BDP1: variants seen among roughly 807,000 people sequenced by gnomAD.
BDP1 encodes the protein transcription factor TFIIIB component B'' homolog.
Under a neutral mutation model 266.6 loss-of-function variants are expected in BDP1, and 169 were observed. That is an observed-to-expected ratio of 0.63 (90% CI 0.56 to 0.72). The LOEUF (loss-of-function observed/expected upper bound fraction) is 0.72. BDP1 is among the 30% of genes least tolerant of loss of function. The pLI is 0.00. For synonymous variants in BDP1, 1,090 were observed against 1,022.4 expected, an observed-to-expected ratio of 1.07 and a Z score of -1.26; for missense variants, 3,015 against 3,053.8, an observed-to-expected ratio of 0.99 and a Z score of 0.30.
chr5:71,558,343 G>A (rs763910898), intron 36 of BDP1, among the ~76,000 whole-genome samples: 2 of 151,542 alleles, frequency 1.3e-5, no homozygotes, highest in Non-Finnish European at 2.9e-5. Context: ...CCAACATGGC[G>A]AAACCCCATC....
At chr5:71,564,321 G>C (rs901354864) in intron 38 of BDP1, among the ~76,000 whole-genome samples, 13 of 35,884 alleles carry the variant, frequency 3.6e-4, no homozygotes, top group Non-Finnish European at 7.0e-4. Flanking sequence ...TTTGTCATGG[G>C]TCTGTCTATT....
chr5:71,566,449 T>C lies in BDP1; in HGVS notation c.*1564T>C, dbSNP rs368245280. On this transcript the variant is annotated 3_prime_UTR_variant, in exon 39 of 39. Coordinates refer to ENST00000358731, the MANE Select transcript of BDP1 (RefSeq NM_018429.3). ...ATTTTTTATACGTGTAATTCTATTA[T>C]CTACCCAAGCAGATCTGTAGTGGTT... The C allele has an allele frequency of 9.8e-5, 15 of 152,334 alleles. 1 individual carries two copies. Among genetic ancestry groups the C allele is most frequent in the African/African-American group, 3.6e-4 (15 of 41,588 alleles). 9.4% of individuals were successfully genotyped at this position (152,334 alleles called of 1,614,324 possible). A position where few individuals can be genotyped will look rare whatever the true frequency, so the allele number is the denominator to read the frequency against.
At chr5:71,562,199 A>G in intron 37 of BDP1, 75 bp from the exon 38 acceptor site, 1 of 467,116 alleles carries the variant, frequency 2.1e-6, no homozygotes, top group Non-Finnish European at 2.9e-6. Context: ...GCGTCTCAAA[A>G]AAAAAAAAAA....
intron 2 of BDP1, among the ~76,000 whole-genome samples, chr5:71,460,626 A>C (rs967428546): frequency 2.6e-5 from 4 of 152,168 alleles, no homozygotes; most frequent in African/African-American, 4.8e-5. Context: ...CCTCACAACA[A>C]TTGCTTGAAC....
At chr5:71,568,563 G>C (rs1744157097), downstream of BDP1, among the ~76,000 whole-genome samples, 1 of 152,058 alleles carries the variant, frequency 6.6e-6, no homozygotes, top group African/African-American at 2.4e-5. Context: ...CGAACTTCTG[G>C]GTGCGAGCAA....
chr5:71,522,730 C>A, intron 23 of BDP1, 26 bp from the exon 24 acceptor site: 1 of 1,565,062 alleles, frequency 6.4e-7, no homozygotes, highest in South Asian at 1.2e-5. Flanking sequence ...TGTAGTAATA[C>A]TAGCTAATTT....
chr5:71,480,998 C>A (rs1327537157), intron 7 of BDP1, among the ~76,000 whole-genome samples: 1 of 152,080 alleles, frequency 6.6e-6, no homozygotes, highest in Non-Finnish European at 1.5e-5. Flanking sequence ...AACACAGAAA[C>A]CCTGTCTCTA....
rs1188483895 is a variant in BDP1, at chr5:71,461,764, A to G, written c.490-53A>G. ...TGGACTGTATATTTGCATATAGTAC[A>G]TCTGAAATTCTTTAATATTTATAAA... is the stretch of plus-strand genomic sequence containing the variant. On this transcript the variant is annotated intron_variant, in intron 2 of 38. Transcript: ENST00000358731. The G allele has an allele frequency of 3.9e-6, 4 of 1,022,068 alleles. No individual in the cohort carries two copies. In the African/African-American group the frequency reaches 4.9e-5, roughly 12 times the overall value. 63.3% of individuals were successfully genotyped at this position (1,022,068 alleles called of 1,614,324 possible).
intron 26 of BDP1, among the ~76,000 whole-genome samples, chr5:71,538,000 G>A (rs925864456): frequency 2.0e-4 from 31 of 152,118 alleles, no homozygotes; most frequent in African/African-American, 7.2e-4. Context: ...CCTTTACCAG[G>A]CTAAAGAAGT....
intron 8 of BDP1, among the ~76,000 whole-genome samples, chr5:71,485,407 C>A (rs575976911): frequency 7.9e-5 from 12 of 152,110 alleles, no homozygotes; most frequent in African/African-American, 2.7e-4. Flanking sequence ...ATGTGGAGAT[C>A]CTTTATGATT....
At chr5:71,461,146 A>T (rs1761532967) in intron 2 of BDP1, among the ~76,000 whole-genome samples, 1 of 151,772 alleles carries the variant, frequency 6.6e-6, no homozygotes, top group Non-Finnish European at 1.5e-5. Flanking sequence ...CATCCAGCTA[A>T]TTTTTTTGTA....
At chr5:71,495,596 ATTTC>A (rs1763840247) in intron 12 of BDP1, among the ~76,000 whole-genome samples, 188 bp downstream of exon 12, 1 of 152,132 alleles carries the variant, frequency 6.6e-6, no homozygotes, top group Non-Finnish European at 1.5e-5. Flanking sequence ...TTTACTTTAT[ATTTC>A]TTTGCAGAAA....
intron 6 of BDP1, 133 bp from the exon 7 acceptor site, chr5:71,470,262 A>C (rs1349845607): frequency 1.5e-6 from 1 of 661,090 alleles, no homozygotes; most frequent in African/African-American, 1.9e-5. Context: ...TTTTATTTAT[A>C]ATAAGGTGTT....
At position 71,553,253 on chromosome 5, in the gene BDP1, A is replaced by G. The variant is rs760417441; in HGVS notation, c.7133A>G (p.Asp2378Gly). The part of the protein sequence containing the change: ...KRFQCRLDKN[D>G]HIPPAKKRSL... ...TTTCAATGCAGGCTTGATAAAAATG[A>G]CCACATTCCTCCTGCCAAAAAACGT... Residue 2378 changes from aspartate (D) to glycine (G), a missense_variant, in exon 35 of 39, where the codon GAC becomes GGC. Physicochemically the swap from Asp to Gly is moderately conservative, Grantham distance 94. Around this residue, in one of 3 missense-constraint regions of BDP1, gnomAD observed 629 missense variants for 632.5 expected, o/e 0.99. Coordinates refer to ENST00000358731, the MANE Select transcript of BDP1 (RefSeq NM_018429.3). The G allele has an allele frequency of 7.4e-6, 12 of 1,613,370 alleles. No individual in the cohort carries two copies. Among genetic ancestry groups the G allele is most frequent in the Non-Finnish European group, 9.3e-6 (11 of 1,179,954 alleles).
chr5:71,524,444 A>C, intron 25 of BDP1, 121 bp downstream of exon 25: 1 of 1,071,250 alleles, frequency 9.3e-7, no homozygotes, highest in Non-Finnish European at 1.3e-6. Context: ...TCATTCTCTA[A>C]ATAACCTCTA....
At chr5:71,480,850 C>T (rs1320234828) in intron 7 of BDP1, among the ~76,000 whole-genome samples, 3 of 152,222 alleles carry the variant, frequency 2.0e-5, no homozygotes, top group East Asian at 3.9e-4. Flanking sequence ...AAGAAGTGAA[C>T]CACCATGCCC....
Position 71,470,891 on chromosome 5 carries a change from C to CTT in BDP1, c.1014+414_1014+415dup, listed in dbSNP as rs56915738. Reference sequence around the variant, plus strand: ...CAGGCTAGAGCCACCGTGCCCAGCCCTTTTTTTTTTTTTAAACTGTTATGA... The same window carrying CTT: ...CAGGCTAGAGCCACCGTGCCCAGCCCTTTTTTTTTTTTTTTAAACTGTTATGA... On this transcript the variant is annotated intron_variant, in intron 7 of 38. Transcript: ENST00000358731. 1.1e-3 allele frequency among the ~76,000 whole-genome samples: 160 copies of CTT among 144,216 alleles called. 1 individual carries two copies. Among genetic ancestry groups the CTT allele is most frequent in the African/African-American group, 3.4e-3 (134 of 39,610 alleles). 94.6% of individuals were successfully genotyped at this position (144,216 alleles called of 152,430 possible). A position where few individuals can be genotyped will look rare whatever the true frequency, so the allele number is the denominator to read the frequency against.
chr5:71,520,897 G>T (rs1056440677), intron 22 of BDP1, among the ~76,000 whole-genome samples: 16 of 152,064 alleles, frequency 1.1e-4, no homozygotes, highest in African/African-American at 3.9e-4. Context: ...CATTGAAAGG[G>T]TGCATTGAAG....
At chr5:71,489,992 C>G (rs1580056130) in intron 10 of BDP1, among the ~76,000 whole-genome samples, 1 of 152,088 alleles carries the variant, frequency 6.6e-6, no homozygotes, top group Non-Finnish European at 1.5e-5. Context: ...CTATGTCTGT[C>G]AATAAAGCAC....
Sources: gnomAD v4.1 joint callset for allele counts (sites outside exome capture counted in the v4.1 genomes callset) on GRCh38, gnomAD v4.1.1 for gene constraint, gnomAD v4.1.1 regional missense constraint, MANE v1.5 for transcripts, NCBI Gene and HGNC (gene_info 2026-07-23, HGNC 2026-07-21) for gene names.